ATP11B: variants seen among roughly 807,000 people sequenced by gnomAD.
The protein encoded by ATP11B is ATPase phospholipid transporting 11B (putative), also known as phospholipid-transporting ATPase IF.
In ATP11B, 81 loss-of-function variants were observed where a neutral mutation model predicts 157.8. The ratio of observed to expected loss-of-function variants is 0.51; its 90% confidence interval spans 0.43 to 0.62. The LOEUF is 0.62. Ranked by LOEUF, ATP11B falls within the 20% of genes least tolerant of loss-of-function variation. The pLI is 0.00. For missense variants in ATP11B, 1,165 were observed against 1,402.2 expected, an observed-to-expected ratio of 0.83 and a Z score of 2.70; for synonymous variants, 451 against 469.4, an observed-to-expected ratio of 0.96 and a Z score of 0.51.
chr3:182,912,448 C>CTT (rs11360803), intron 28 of ATP11B, among the ~76,000 whole-genome samples: 2 of 146,978 alleles, frequency 1.4e-5, no homozygotes, highest in Non-Finnish European at 3.0e-5. Context: ...CACTGACCCC[C>CTT]TTTTTTTTTT....
chr3:182,819,100 G>A (rs1338292765), intron 1 of ATP11B, among the ~76,000 whole-genome samples: 3 of 132,280 alleles, frequency 2.3e-5, no homozygotes, highest in Non-Finnish European at 3.1e-5. Context: ...TTTTTGAGAC[G>A]GAGTCTCTCC....
chr3:182,817,274 GT>G (rs1270903311), intron 1 of ATP11B, among the ~76,000 whole-genome samples: 35 of 144,470 alleles, frequency 2.4e-4, no homozygotes, highest in South Asian at 2.2e-4. Context: ...TGGGGGGACC[GT>G]TTTTTTTTTT....
intron 2 of ATP11B, among the ~76,000 whole-genome samples, chr3:182,827,402 C>T (rs1717796625): frequency 1.3e-5 from 2 of 151,994 alleles, no homozygotes; most frequent in Non-Finnish European, 2.9e-5. Flanking sequence ...TTAATATTAT[C>T]CTCATTTTAT....
intron 28 of ATP11B, among the ~76,000 whole-genome samples, chr3:182,909,624 G>A (rs1434769714): frequency 1.3e-5 from 2 of 152,030 alleles, no homozygotes; most frequent in Non-Finnish European, 2.9e-5. Flanking sequence ...GTCTATACAG[G>A]TACTCTGGCC....
chr3:182,874,940 C>T (rs577913633), intron 19 of ATP11B, among the ~76,000 whole-genome samples: 1 of 152,064 alleles, frequency 6.6e-6, no homozygotes, highest in South Asian at 2.1e-4. Context: ...AATATTTACT[C>T]TCTGGCCCGT....
Position 182,867,392 on chromosome 3 carries a change from A to C in ATP11B, c.1636A>C (p.Ile546Leu). 2 of 1,609,584 alleles carry C rather than the reference A, an allele frequency of 1.2e-6. No homozygotes were observed. The highest frequency in any genetic ancestry group is 8.5e-7 in the Non-Finnish European group (1 of 1,176,280). Reference protein sequence around the residue: ...EAAARIGIVFIGNSEETMEVK... With the variant: ...EAAARIGIVFLGNSEETMEVK... ...GATGTCTAGGATTGGTATTGTGTTTATTGGCAATTCTGAAGAAACTATGGA... is the reference window on the plus strand; with the variant it reads ...GATGTCTAGGATTGGTATTGTGTTTCTTGGCAATTCTGAAGAAACTATGGA... The change falls in exon 15 of 30, where the codon ATT becomes CTT. Residue 546 changes from isoleucine (I) to leucine (L), a missense_variant. Physicochemically the swap from Ile to Leu is conservative, Grantham distance 5 (BLOSUM62 2). Coordinates refer to ENST00000323116, the MANE Select transcript of ATP11B (RefSeq NM_014616.3).
In ATP11B at chr3:182,884,806, G is replaced by A. The variant is rs114409384; in HGVS notation, c.2563G>A (p.Ala855Thr). ...TGCAAGAAACAGTGACTATGCAATA[G>A]CCAGATTTAAGTTCCTCTCCAAATT... is the stretch of plus-strand genomic sequence containing the variant. ...QAARNSDYAI[A>T]RFKFLSKLLF... The change falls in exon 22 of 30, where the codon GCC (alanine) becomes ACC (threonine). Residue 855 changes from alanine (A) to threonine (T), a missense_variant. This residue lies in a region of ATP11B where 737 missense variants were observed against 930.5 expected (regional missense o/e 0.79). Transcript: ENST00000323116. 834 of 1,603,372 alleles carry A rather than the reference G, an allele frequency of 5.2e-4. 4 individuals carry two copies. In the African/African-American group the frequency reaches 0.01, roughly 20 times the overall value.
intron 2 of ATP11B, 134 bp downstream of exon 2, chr3:182,820,510 C>T: frequency 1.6e-6 from 1 of 618,908 alleles, no homozygotes; most frequent in East Asian, 2.8e-5. Flanking sequence ...ATAATGAGAC[C>T]TTGTCTCTGC....
At chr3:182,811,152 G>C (rs185879801) in intron 1 of ATP11B, among the ~76,000 whole-genome samples, 7 of 152,184 alleles carry the variant, frequency 4.6e-5, no homozygotes, top group Non-Finnish European at 1.0e-4. Context: ...AAAATATATT[G>C]TTATGGTGAC....
At chr3:182,886,159 C>T (rs775104015) in intron 23 of ATP11B, 149 bp downstream of exon 23, 1 of 454,732 alleles carries the variant, frequency 2.2e-6, no homozygotes, top group Non-Finnish European at 3.9e-6. Flanking sequence ...GTATATTTAA[C>T]CAGCATGACA....
intron 1 of ATP11B, among the ~76,000 whole-genome samples, chr3:182,814,191 G>A (rs1207398856): frequency 6.6e-6 from 1 of 152,034 alleles, no homozygotes; most frequent in Non-Finnish European, 1.5e-5. Flanking sequence ...AGCCTCACAA[G>A]TAGGTGGGAT....
At chr3:182,830,106 T>G (rs1028676553) in intron 4 of ATP11B, 31 of 312,408 alleles carry the variant, frequency 9.9e-5, no homozygotes, top group Non-Finnish European at 1.3e-4. Context: ...TCAAAAGAGA[T>G]ATGTTTATAG....
At chr3:182,901,340 C>CAAAAA (rs1226647966) in intron 28 of ATP11B, among the ~76,000 whole-genome samples, 5 of 49,230 alleles carry the variant, frequency 1.0e-4, no homozygotes, top group East Asian at 5.9e-4. Flanking sequence ...CTCCGTCTCA[C>CAAAAA]AAAAAAAAAA....
intron 28 of ATP11B, among the ~76,000 whole-genome samples, chr3:182,905,057 A>C (rs567941556): frequency 1.3e-5 from 2 of 152,232 alleles, no homozygotes; most frequent in East Asian, 3.9e-4. Flanking sequence ...AAACCAAAAA[A>C]TTCTGCTTAG....
chr3:182,894,668 T>C (rs934066024), intron 25 of ATP11B, among the ~76,000 whole-genome samples: 4 of 152,224 alleles, frequency 2.6e-5, no homozygotes, highest in South Asian at 2.1e-4. Context: ...TATGGCTTCT[T>C]CTAGGACCTT....
In ATP11B at chr3:182,897,399, A is replaced by T. The variant is rs748391099; in HGVS notation, c.3145A>T (p.Ile1049Phe). ...TGTATTTTCCTTGTTTTATGGAGGG[A>T]TTCTCTGGTGAGTGAATATATTGTA... ...YFVFSLFYGG[I>F]LWPFLGSQNM... is the part of the protein sequence containing the mutation. The change falls in exon 27 of 30, where the codon ATT (isoleucine) becomes TTT (phenylalanine). Residue 1049 changes from isoleucine (I) to phenylalanine (F), a missense_variant. Around this residue, in one of 4 missense-constraint regions of ATP11B, gnomAD observed 303 missense variants for 296.3 expected, o/e 1.02. Coordinates refer to ENST00000323116, the MANE Select transcript of ATP11B (RefSeq NM_014616.3). 3.9e-6 allele frequency: 6 copies of T among 1,553,794 alleles called. No homozygotes were observed. The East Asian group carries it at 1.2e-4, about 30-fold the overall frequency.
intron 27 of ATP11B, among the ~76,000 whole-genome samples, chr3:182,898,211 A>G (rs1723697584): frequency 1.3e-5 from 2 of 152,184 alleles, no homozygotes; most frequent in Admixed American, 6.5e-5. Flanking sequence ...TGAGTACATT[A>G]ATTTTAAAAT....
intron 29 of ATP11B, chr3:182,915,585 T>C: frequency 1.0e-6 from 1 of 973,116 alleles, no homozygotes; most frequent in South Asian, 4.8e-5. Flanking sequence ...TGGAAATTTC[T>C]CTTTAATGAC....
chr3:182,896,892 G>A, intron 26 of ATP11B, 127 bp downstream of exon 26: 1 of 683,312 alleles, frequency 1.5e-6, no homozygotes, highest in Non-Finnish European at 2.5e-6. Context: ...AATTTCACTG[G>A]TTACTATTTT....
Sources: allele counts gnomAD v4.1 joint callset (sites outside exome capture counted in the v4.1 genomes callset), GRCh38; gene constraint gnomAD v4.1.1; regional missense constraint gnomAD v4.1.1; transcripts MANE v1.5; gene names NCBI Gene and HGNC (gene_info 2026-07-23, HGNC 2026-07-21).